Variants in LHX4 observed in about 807,000 individuals in gnomAD.
LHX4 encodes LIM/homeobox protein Lhx4.
LHX4 carries 16 observed loss-of-function variants against 39.2 expected under a neutral mutation model. The ratio of observed to expected loss-of-function variants is 0.41; its 90% confidence interval spans 0.28 to 0.62. LHX4 has a LOEUF of 0.62. Ranked by LOEUF, LHX4 falls within the 20% of genes least tolerant of loss-of-function variation. The pLI is 0.33. For missense variants in LHX4, 439 were observed against 511.9 expected (o/e 0.86, Z 1.37); for synonymous variants, 206 against 198.1 (o/e 1.04, Z -0.33).
chr1:180,258,410 G>A (rs1183207745), intron 2 of LHX4, among the ~76,000 whole-genome samples: 1 of 152,226 alleles, frequency 6.6e-6, no homozygotes, highest in Non-Finnish European at 1.5e-5. Flanking sequence ...TGCCTTGGTG[G>A]CCGTTAGGGA....
intron 1 of LHX4, among the ~76,000 whole-genome samples, chr1:180,233,019 C>A (rs112820260): frequency 7.2e-5 from 11 of 152,326 alleles, no homozygotes; most frequent in African/African-American, 2.4e-4. Context: ...ACGAATGGAG[C>A]ACTTGGGGAC....
rs1252885355 is a variant in LHX4, at chr1:180,248,325, C to T, written c.117C>T (p.Asp39=). ...QCAGCNQHIL[D]KFILKVLDRH... is the part of the protein sequence containing the mutation. ...CTGGCTGCAACCAGCACATCCTGGA[C>T]AAGTTCATCCTGAAGGTCCTGGACA... is the stretch of plus-strand genomic sequence containing the variant. The change falls in exon 2 of 6, where the codon GAC becomes GAT. Residue 39 remains aspartate (D), a synonymous_variant. Transcript: ENST00000263726. 1.9e-6 allele frequency: 3 copies of T among 1,614,094 alleles called. No individual in the cohort carries two copies. The highest frequency in any genetic ancestry group is 2.5e-6 in the Non-Finnish European group (3 of 1,180,036).
intron 1 of LHX4, among the ~76,000 whole-genome samples, chr1:180,244,604 T>C (rs563129795): frequency 6.6e-6 from 1 of 152,328 alleles, no homozygotes; most frequent in East Asian, 1.9e-4. Context: ...TATGGGCATA[T>C]ATCCTCACCC....
intron 3 of LHX4, chr1:180,270,115 T>G (rs1648550596): frequency 6.6e-6 from 1 of 152,264 alleles, no homozygotes; most frequent in Non-Finnish European, 1.5e-5. Flanking sequence ...AGTGAGTTAC[T>G]GGCCCAAGTC....
In LHX4 at chr1:180,266,507, C is replaced by T. The variant is rs374435549; in HGVS notation, c.364C>T (p.Arg122Trp). Residue 122 changes from arginine to tryptophan, a missense_variant, in exon 3 of 6, where the codon CGG becomes TGG. By Grantham distance (101) the Arg-to-Trp change is moderately radical (BLOSUM62 -3). Coordinates refer to ENST00000263726, the MANE Select transcript of LHX4 (RefSeq NM_033343.4). The surrounding 1 kb of genome is among the most constrained non-coding windows in gnomAD (Gnocchi z 5.7). Reference sequence around the variant, plus strand: ...CTGCTTTGCTTGCATCATCTGCAACCGGCAGCTGGCCACGGGGGACGAATT... The same window carrying T: ...CTGCTTTGCTTGCATCATCTGCAACTGGCAGCTGGCCACGGGGGACGAATT... ...LHCFACIICN[R>W]QLATGDEFYL... 12 of 1,614,104 alleles carry T rather than the reference C, an allele frequency of 7.4e-6. No homozygotes were observed. The highest frequency in any genetic ancestry group is 2.2e-5 in the East Asian group (1 of 44,908).
At chr1:180,253,499 A>T (rs544350769) in intron 2 of LHX4, among the ~76,000 whole-genome samples, 4 of 152,340 alleles carry the variant, frequency 2.6e-5, no homozygotes, top group African/African-American at 7.2e-5. Flanking sequence ...GGCACCCAGG[A>T]GCATTTCTCA....
chr1:180,271,088 A>G (rs1182562072), intron 3 of LHX4: 2 of 485,224 alleles, frequency 4.1e-6, no homozygotes, highest in South Asian at 2.0e-5. Context: ...AATTGGGTAC[A>G]TTCAATCTGA....
chr1:180,257,034 C>T (rs1361235576), intron 2 of LHX4, among the ~76,000 whole-genome samples: 4 of 152,226 alleles, frequency 2.6e-5, no homozygotes, highest in Non-Finnish European at 4.4e-5. Flanking sequence ...ACAAAAACAC[C>T]TGGTGGTCTG....
At position 180,266,715 on chromosome 1, in the gene LHX4, C is replaced by A; in HGVS notation, c.451+121C>A. On this transcript the variant is annotated intron_variant, in intron 3 of 5. Coordinates refer to ENST00000263726, the MANE Select transcript of LHX4 (RefSeq NM_033343.4). The surrounding 1 kb of genome is among the most constrained non-coding windows in gnomAD (Gnocchi z 5.7). The stretch of plus-strand genomic sequence containing the variant: ...ATCCCTCAGAGCCCTACTCATGCAC[C>A]GCCACCTCTGAGAAGCGTCCCAGAT... 2 of 958,424 alleles carry A rather than the reference C, an allele frequency of 2.1e-6. No homozygotes were observed. The highest frequency in any genetic ancestry group is 1.6e-6 in the Non-Finnish European group (1 of 616,816). 59.4% of individuals were successfully genotyped at this position (958,424 alleles called of 1,614,324 possible).
upstream of LHX4, among the ~76,000 whole-genome samples, chr1:180,228,851 G>A (rs1475865349): frequency 6.6e-6 from 1 of 152,204 alleles, no homozygotes; most frequent in Non-Finnish European, 1.5e-5. Flanking sequence ...GTTCTGGAAG[G>A]CTGGGGAGGG....
intron 2 of LHX4, among the ~76,000 whole-genome samples, chr1:180,264,717 A>C (rs1247444463): frequency 6.6e-6 from 1 of 152,248 alleles, no homozygotes; most frequent in African/African-American, 2.4e-5. Context: ...ACAACTTAGC[A>C]GGTGGTTTAC....
At chr1:180,267,040 C>A (rs1648347793) in intron 3 of LHX4, among the ~76,000 whole-genome samples, 1 of 152,056 alleles carries the variant, frequency 6.6e-6, no homozygotes, top group African/African-American at 2.4e-5. Flanking sequence ...TCGGTGAGAG[C>A]CCAGCACTGG....
chr1:180,263,765 C>T (rs977020856), intron 2 of LHX4, among the ~76,000 whole-genome samples: 9 of 152,142 alleles, frequency 5.9e-5, no homozygotes, highest in South Asian at 2.1e-4. Flanking sequence ...GCTGGGCCTC[C>T]GGTGACTGAA....
At position 180,276,544 on chromosome 1, in the gene LHX4, A is replaced by G. The variant is rs1649040922; in HGVS notation, c.*1965A>G. ...TGTTAATCCTAGCCAATTCTGTGCT[A>G]TTGGGAATTCTCCAATCATGAACAC... On this transcript the variant is annotated 3_prime_UTR_variant, in exon 6 of 6. Transcript: ENST00000263726. 6.6e-6 allele frequency: 1 copy of G among 152,200 alleles called. No homozygotes were observed. The allele number at this position is 152,200 out of a possible 1,614,324, so 9.4% of individuals were successfully genotyped here. A position where few individuals can be genotyped will look rare whatever the true frequency, so the allele number is the denominator to read the frequency against.
intron 2 of LHX4, among the ~76,000 whole-genome samples, chr1:180,262,867 A>T (rs77562018): frequency 1.0e-3 from 159 of 152,244 alleles, no homozygotes; most frequent in African/African-American, 3.8e-3. Flanking sequence ...GGGATAAGAC[A>T]ATTTCCAGTG....
rs566858177 is a variant in LHX4 at position 180,236,874 on chromosome 1, G to C, written c.76+6269G>C. Among the ~76,000 whole-genome samples, 157 of 150,042 alleles carry C rather than the reference G, an allele frequency of 1.0e-3. 2 individuals are homozygous for C. Among genetic ancestry groups the C allele is most frequent in the Non-Finnish European group, 1.2e-3 (81 of 67,012 alleles). On this transcript the variant is annotated intron_variant, in intron 1 of 5. Transcript: ENST00000263726. Reference sequence around the variant, plus strand: ...AGACAGACTGAAGCAGCAGTTTGCTGTGGCAGCACCAAATACATGGCTGCA... The same window carrying C: ...AGACAGACTGAAGCAGCAGTTTGCTCTGGCAGCACCAAATACATGGCTGCA...
upstream of LHX4, among the ~76,000 whole-genome samples, chr1:180,229,964 A>AGGCGGG (rs1553278096): frequency 5.4e-5 from 4 of 73,488 alleles, no homozygotes; most frequent in Admixed American, 1.0e-4. Flanking sequence ...GGAGGCGGGG[A>AGGCGGG]GGGGGGGGGG....
chr1:180,265,184 A>T (rs1571281766), intron 2 of LHX4, among the ~76,000 whole-genome samples: 1 of 152,340 alleles, frequency 6.6e-6, no homozygotes, highest in East Asian at 1.9e-4. Context: ...GCCTATAAGC[A>T]TTAGTTAAAA....
intron 1 of LHX4, among the ~76,000 whole-genome samples, chr1:180,235,992 G>C (rs1664307854): frequency 6.6e-6 from 1 of 152,196 alleles, no homozygotes; most frequent in Non-Finnish European, 1.5e-5. Context: ...GATAAAACCG[G>C]GAGCAGCAGG....
Sources: gnomAD v4.1 joint callset for allele counts (sites outside exome capture counted in the v4.1 genomes callset) on GRCh38, gnomAD v4.1.1 for gene constraint, Gnocchi (gnomAD v3.1) non-coding constraint, MANE v1.5 for transcripts, NCBI Gene and HGNC (gene_info 2026-07-23, HGNC 2026-07-21) for gene names.